CTNND2: variants seen among roughly 807,000 people sequenced by gnomAD.
CTNND2 encodes the protein catenin delta 2.
A neutral mutation model predicts 144.4 loss-of-function variants in CTNND2; 22 were observed. The observed-to-expected ratio is 0.15, with a 90% CI of 0.11 to 0.22. The LOEUF is 0.22. Among genes scored for constraint, CTNND2 ranks in the 10% least tolerant of loss-of-function variants. The probability of loss-of-function intolerance (pLI) is 1.00; values close to 1 mark genes in which losing one functional copy is unlikely to be tolerated. For synonymous variants in CTNND2, 751 were observed against 695.6 expected, an observed-to-expected ratio of 1.08 and a Z score of -1.25; for missense variants, 1,353 against 1,618.8, an observed-to-expected ratio of 0.84 and a Z score of 2.82.
chr5:11,898,444 A>C (rs1174946477), intron 1 of CTNND2, among the ~76,000 whole-genome samples: 1 of 152,208 alleles, frequency 6.6e-6, no homozygotes, highest in Admixed American at 6.5e-5. Flanking sequence ...AGTTTTCTTA[A>C]AATTTCTAAT....
chr5:11,308,159 T>G (rs1750449946), intron 9 of CTNND2, among the ~76,000 whole-genome samples: 2 of 152,152 alleles, frequency 1.3e-5, no homozygotes, highest in Admixed American at 6.5e-5. Flanking sequence ...GCAGCCCAAC[T>G]GGGCTGGGAC....
intron 1 of CTNND2, among the ~76,000 whole-genome samples, chr5:11,782,035 G>A (rs536335698): frequency 8.1e-4 from 124 of 152,188 alleles, no homozygotes; most frequent in Admixed American, 1.4e-3. Context: ...TCATGGGTGC[G>A]GGTCTTTCCC....
chr5:11,880,295 T>C (rs56398185), intron 1 of CTNND2, among the ~76,000 whole-genome samples: 4 of 152,184 alleles, frequency 2.6e-5, no homozygotes, highest in African/African-American at 7.2e-5. Flanking sequence ...AAATATTCCA[T>C]AATAAACGGA....
At chr5:11,859,399 A>C (rs1224105820) in intron 1 of CTNND2, among the ~76,000 whole-genome samples, 1 of 152,218 alleles carries the variant, frequency 6.6e-6, no homozygotes, top group Non-Finnish European at 1.5e-5. Context: ...CGAAAATAGA[A>C]ATTAAAGTAT....
At position 11,628,157 on chromosome 5, in the gene CTNND2, C is replaced by T. The variant is rs143488927; in HGVS notation, c.175-63101G>A. On this transcript the variant is annotated intron_variant, in intron 2 of 21. Coordinates refer to ENST00000304623, the MANE Select transcript of CTNND2 (RefSeq NM_001332.4). ...GGATAGCTATTATACAGATTCCACA[C>T]GTTTTCACCATGCGGAACAATGGGT... is the stretch of plus-strand genomic sequence containing the variant. 6.4e-3 allele frequency among the ~76,000 whole-genome samples: 979 copies of T among 152,118 alleles called. 5 individuals are homozygous for T. Among genetic ancestry groups the T allele is most frequent in the Non-Finnish European group, 0.01 (681 of 68,002 alleles).
At chr5:11,315,532 G>A (rs1387299172) in intron 9 of CTNND2, among the ~76,000 whole-genome samples, 2 of 152,068 alleles carry the variant, frequency 1.3e-5, no homozygotes, top group African/African-American at 4.8e-5. Context: ...TTAATTTAAG[G>A]TAAATTAACA....
At chr5:11,557,234 C>T (rs1776303295) in intron 3 of CTNND2, among the ~76,000 whole-genome samples, 1 of 152,144 alleles carries the variant, frequency 6.6e-6, no homozygotes, top group African/African-American at 2.4e-5. Context: ...ACTGTTTCAG[C>T]TAACAGTTTT....
chr5:11,479,178 C>T (rs1169054633), intron 3 of CTNND2, among the ~76,000 whole-genome samples: 1 of 152,116 alleles, frequency 6.6e-6, no homozygotes, highest in Non-Finnish European at 1.5e-5. Flanking sequence ...GTCCTACTGT[C>T]TGTTTTTTCC....
At position 11,809,578 on chromosome 5, in the gene CTNND2, A is replaced by G. The variant is rs61761647; in HGVS notation, c.38-77306T>C. Among the ~76,000 whole-genome samples, 774 of 152,310 alleles carry G rather than the reference A, an allele frequency of 5.1e-3. 8 individuals carry two copies. The highest frequency in any genetic ancestry group is 0.017 in the African/African-American group (697 of 41,572). On this transcript the variant is annotated intron_variant, in intron 1 of 21. Transcript: ENST00000304623. ...TCATTGTCAGGGAGAGGAATAACTG[A>G]GTCAGGGCGGACCACAGGTCTCCAA...
chr5:11,092,535 G>C (rs999563895), intron 15 of CTNND2, among the ~76,000 whole-genome samples: 1 of 152,128 alleles, frequency 6.6e-6, no homozygotes, highest in African/African-American at 2.4e-5. Flanking sequence ...CCAATGACCT[G>C]GTTGTGGCCA....
At chr5:11,407,179 G>C (rs937965598) in intron 5 of CTNND2, among the ~76,000 whole-genome samples, 3 of 152,184 alleles carry the variant, frequency 2.0e-5, no homozygotes, top group African/African-American at 7.2e-5. Flanking sequence ...TATGTAGAAA[G>C]CTAATGGCCC....
intron 16 of CTNND2, among the ~76,000 whole-genome samples, chr5:11,072,056 T>C (rs1037789834): frequency 6.6e-6 from 1 of 152,176 alleles, no homozygotes; most frequent in African/African-American, 2.4e-5. Flanking sequence ...CCATAGACAC[T>C]GGGGGTATTA....
intron 3 of CTNND2, among the ~76,000 whole-genome samples, chr5:11,414,260 T>C (rs1761755279): frequency 6.6e-6 from 1 of 152,144 alleles, no homozygotes; most frequent in South Asian, 2.1e-4. Flanking sequence ...TTTTGAACTT[T>C]TGGTCTCCAA....
At chr5:11,564,454 G>A (rs557773048) in intron 3 of CTNND2, among the ~76,000 whole-genome samples, 1 of 152,248 alleles carries the variant, frequency 6.6e-6, no homozygotes, top group Admixed American at 6.5e-5. Flanking sequence ...AATCATTTAT[G>A]TTTATGAATG....
Position 11,655,528 on chromosome 5 carries a change from C to T in CTNND2, c.174+76608G>A, listed in dbSNP as rs116576895. The stretch of plus-strand genomic sequence containing the variant: ...TGAAAAGAAACTCATTATTCTTATT[C>T]TTGTCATGATCAATCCTTCCAAGTT... On this transcript the variant is annotated intron_variant, in intron 2 of 21. Transcript: ENST00000304623. 8.5e-3 allele frequency among the ~76,000 whole-genome samples: 1,293 copies of T among 152,116 alleles called. 18 individuals are homozygous for T. The highest frequency in any genetic ancestry group is 0.03 in the African/African-American group (1,246 of 41,518).
intron 3 of CTNND2, among the ~76,000 whole-genome samples, chr5:11,547,032 G>T (rs1170622535): frequency 6.6e-6 from 1 of 152,088 alleles, no homozygotes; most frequent in Non-Finnish European, 1.5e-5. Flanking sequence ...ACTTTCGGAG[G>T]CCGAAGTGGG....
chr5:11,418,543 T>C (rs144218427), intron 3 of CTNND2, among the ~76,000 whole-genome samples: 5 of 152,320 alleles, frequency 3.3e-5, no homozygotes, highest in African/African-American at 7.2e-5. Context: ...GGCAAAATCA[T>C]TGATGCCTTA....
At chr5:11,041,920 A>G (rs1175544443) in intron 16 of CTNND2, among the ~76,000 whole-genome samples, 1 of 152,242 alleles carries the variant, frequency 6.6e-6, no homozygotes, top group East Asian at 1.9e-4. Flanking sequence ...TGTATTAGCA[A>G]ATTTACTTTG....
chr5:11,804,214 G>A (rs1436696104), intron 1 of CTNND2, among the ~76,000 whole-genome samples: 1 of 152,142 alleles, frequency 6.6e-6, no homozygotes, highest in Admixed American at 6.6e-5. Flanking sequence ...TTACTGTCGA[G>A]GATACAGCAC....
Sources: allele counts gnomAD v4.1 joint callset (sites outside exome capture counted in the v4.1 genomes callset), GRCh38; gene constraint gnomAD v4.1.1; transcripts MANE v1.5; gene names NCBI Gene and HGNC (gene_info 2026-07-23, HGNC 2026-07-21).